GLIS3: variants seen among roughly 807,000 people sequenced by gnomAD.
The protein encoded by GLIS3 is zinc finger protein GLIS3.
In GLIS3, 53 loss-of-function variants were observed where a neutral mutation model predicts 78.6. That is an observed-to-expected ratio of 0.67 (90% CI 0.54 to 0.85). The LOEUF (loss-of-function observed/expected upper bound fraction) is 0.85. Among genes scored for constraint, GLIS3 ranks in the 40% least tolerant of loss-of-function variants. The pLI, the probability that GLIS3 is intolerant of heterozygous loss-of-function variation, is 0.00. For synonymous variants in GLIS3, 684 were observed against 509.9 expected (o/e 1.34, Z -4.60); for missense variants, 1,703 against 1,231.1 (o/e 1.38, Z -5.74).
intron 4 of GLIS3, among the ~76,000 whole-genome samples, chr9:4,005,732 A>T (rs1336612567): frequency 6.6e-6 from 1 of 152,234 alleles, no homozygotes; most frequent in Non-Finnish European, 1.5e-5. Context: ...TAACCTAAAC[A>T]TCTGCCAACA....
intron 2 of GLIS3, among the ~76,000 whole-genome samples, chr9:4,184,941 T>G (rs1415641827): frequency 1.3e-5 from 2 of 152,196 alleles, no homozygotes; most frequent in African/African-American, 4.8e-5. Flanking sequence ...AGTCAATGTG[T>G]ACTTTGTGAA....
At chr9:4,311,346 T>G (rs568736370) in intron 2 of GLIS3, among the ~76,000 whole-genome samples, 3 of 152,222 alleles carry the variant, frequency 2.0e-5, no homozygotes, top group Admixed American at 1.3e-4. Flanking sequence ...GAGGTGGAGG[T>G]TGCAGTGAGT....
At chr9:3,889,818 C>T (rs1364705210) in intron 7 of GLIS3, among the ~76,000 whole-genome samples, 2 of 152,168 alleles carry the variant, frequency 1.3e-5, no homozygotes, top group African/African-American at 4.8e-5. Flanking sequence ...TAAAACCATC[C>T]TTAGTTCTCA....
rs946461638 is a variant in GLIS3, at chr9:4,077,806, T to C, written c.1710+39962A>G. Among the ~76,000 whole-genome samples, 34 of 152,144 alleles carry C rather than the reference T, an allele frequency of 2.2e-4. 1 individual carries two copies. The highest frequency in any genetic ancestry group is 7.3e-5 in the Non-Finnish European group (5 of 68,030). On this transcript the variant is annotated intron_variant, in intron 4 of 10. Transcript: ENST00000381971. ...GCAGCAGTGGATTCCAGTTTGTCAT[T>C]TTGCCAACACTCCCAGAACCAGCCT... is the stretch of plus-strand genomic sequence containing the variant.
intron 4 of GLIS3, among the ~76,000 whole-genome samples, chr9:3,951,961 G>A (rs897508288): frequency 6.6e-6 from 1 of 151,576 alleles, no homozygotes; most frequent in Non-Finnish European, 1.5e-5. Flanking sequence ...TCTGGGATCC[G>A]GCTGATCACT....
chr9:4,111,386 T>C lies in GLIS3; in HGVS notation c.1710+6382A>G, dbSNP rs1375574984. On this transcript the variant is annotated intron_variant, in intron 4 of 10. Transcript: ENST00000381971. ...AAGAAACATAAACCACGATTAGCTT[T>C]GAAATGTTTGCCCAAATCTGCTACG... Among the ~76,000 whole-genome samples, 4 of 152,208 alleles carry C rather than the reference T, an allele frequency of 2.6e-5. No homozygotes were observed. In the East Asian group the frequency reaches 7.7e-4, roughly 29 times the overall value.
chr9:4,351,768 A>G (rs1412313096), upstream of GLIS3, among the ~76,000 whole-genome samples: 1 of 152,184 alleles, frequency 6.6e-6, no homozygotes, highest in Admixed American at 6.5e-5. Context: ...TTTTAAAATT[A>G]GTTTCTAAGC....
intron 2 of GLIS3, among the ~76,000 whole-genome samples, chr9:4,282,904 G>T (rs1204026754): frequency 6.6e-6 from 1 of 151,956 alleles, no homozygotes; most frequent in African/African-American, 2.4e-5. Context: ...CCTTCCTCTG[G>T]CTTCTGCTGA....
intron 2 of GLIS3, among the ~76,000 whole-genome samples, chr9:4,278,508 A>C (rs570972073): frequency 1.3e-5 from 2 of 152,222 alleles, no homozygotes; most frequent in Admixed American, 6.5e-5. Context: ...CACAAAGAAT[A>C]ATGATGGTAA....
At chr9:4,447,554 G>A in the GLIS3 span, among the ~76,000 whole-genome samples, 1 of 152,060 alleles carries the variant, frequency 6.6e-6, no homozygotes. Flanking sequence ...ATTGTCCCAA[G>A]CAGAATCTCA....
intron 2 of GLIS3, among the ~76,000 whole-genome samples, chr9:4,204,446 A>G (rs1021146298): frequency 2.6e-5 from 4 of 152,158 alleles, no homozygotes; most frequent in Admixed American, 6.5e-5. Flanking sequence ...AGGAACCAGT[A>G]AAAAAGCAAG....
At chr9:3,986,691 C>T (rs574724554) in intron 4 of GLIS3, among the ~76,000 whole-genome samples, 2 of 152,356 alleles carry the variant, frequency 1.3e-5, no homozygotes, top group African/African-American at 2.4e-5. Flanking sequence ...CTTTTGCCCC[C>T]TCGGGCAGTA....
the GLIS3 span, among the ~76,000 whole-genome samples, chr9:4,490,227 G>A: frequency 6.6e-6 from 1 of 152,258 alleles, no homozygotes; most frequent in Non-Finnish European, 1.5e-5. Flanking sequence ...AGTGAGGCGT[G>A]GAAAGCGAGA....
chr9:4,032,917 A>C (rs1823971438), intron 4 of GLIS3, among the ~76,000 whole-genome samples: 1 of 151,356 alleles, frequency 6.6e-6, no homozygotes. Flanking sequence ...GCGGTGGCGC[A>C]ATCTCGGCTC....
intron 2 of GLIS3, among the ~76,000 whole-genome samples, chr9:4,238,262 G>T (rs904262273): frequency 6.6e-6 from 1 of 150,940 alleles, no homozygotes. Flanking sequence ...TCTCTTAATA[G>T]AACTCAGTAT....
At chr9:4,150,749 T>A (rs1266172004) in intron 2 of GLIS3, among the ~76,000 whole-genome samples, 1 of 152,174 alleles carries the variant, frequency 6.6e-6, no homozygotes, top group Admixed American at 6.5e-5. Context: ...GTGTCCAACC[T>A]CCTTATTTTA....
intron 4 of GLIS3, among the ~76,000 whole-genome samples, chr9:3,996,122 G>A (rs1336304606): frequency 6.6e-6 from 1 of 152,110 alleles, no homozygotes; most frequent in Admixed American, 6.5e-5. Context: ...TCTTCAAAAT[G>A]CTGTGAGAAG....
chr9:3,843,219 T>G (rs1292711775), intron 9 of GLIS3, among the ~76,000 whole-genome samples: 1 of 152,234 alleles, frequency 6.6e-6, no homozygotes, highest in Non-Finnish European at 1.5e-5. Flanking sequence ...TTTTTGCTTC[T>G]TCGAATCCGA....
chr9:4,228,875 T>A (rs560978313), intron 2 of GLIS3, among the ~76,000 whole-genome samples: 1 of 152,210 alleles, frequency 6.6e-6, no homozygotes, highest in African/African-American at 2.4e-5. Context: ...TTTCAAAATC[T>A]ACCCACCAGA....
Sources: allele counts gnomAD v4.1 joint callset (sites outside exome capture counted in the v4.1 genomes callset), GRCh38; gene constraint gnomAD v4.1.1; transcripts MANE v1.5; gene names NCBI Gene and HGNC (gene_info 2026-07-23, HGNC 2026-07-21).